ENPP2: variants seen among roughly 807,000 people sequenced by gnomAD.
ENPP2 encodes ectonucleotide pyrophosphatase/phosphodiesterase 2, also known as autotaxin.
In ENPP2, 51 loss-of-function variants were observed where a neutral mutation model predicts 120.2. The ratio of observed to expected loss-of-function variants is 0.42; its 90% CI spans 0.34 to 0.54. ENPP2 has a LOEUF of 0.54. Among genes scored for constraint, ENPP2 ranks in the 20% least tolerant of loss-of-function variants. The probability of loss-of-function intolerance (pLI) is 0.04; values close to 1 mark genes in which losing one functional copy is unlikely to be tolerated. For missense variants in ENPP2, 920 were observed against 1,066.5 expected, an observed-to-expected ratio of 0.86 and a Z score of 1.91; for synonymous variants, 365 against 366.4, an observed-to-expected ratio of 1.00 and a Z score of 0.04.
chr8:119,558,819 TG>T (rs1813689865), intron 24 of ENPP2, among the ~76,000 whole-genome samples: 1 of 152,108 alleles, frequency 6.6e-6, no homozygotes, highest in African/African-American at 2.4e-5. Flanking sequence ...GTCCTAGGTC[TG>T]GGAATATTCA....
chr8:119,644,615 TATATATATATAC>T (rs1276720472), intron 1 of ENPP2, among the ~76,000 whole-genome samples: 61 of 103,102 alleles, frequency 5.9e-4, no homozygotes, highest in East Asian at 8.9e-4. Context: ...TATATATATA[TATATATATATAC>T]ACACACACAC....
In ENPP2 at chr8:119,632,843, G is replaced by T. The variant is rs147705847; in HGVS notation, c.136+5582C>A. Among the ~76,000 whole-genome samples the T allele has an allele frequency of 1.3e-3, 199 of 152,326 alleles. 2 individuals carry two copies. The highest frequency in any genetic ancestry group is 4.7e-3 in the African/African-American group (194 of 41,566). On this transcript the variant is annotated intron_variant, in intron 2 of 24. Transcript: ENST00000075322. ...CCAAGACTTTGGGAGGCCAAGGTGG[G>T]CCGATCACCTGAGGTTGGGAGTTCA...
At chr8:119,628,354 C>T (rs1057001169) in intron 2 of ENPP2, among the ~76,000 whole-genome samples, 3 of 152,090 alleles carry the variant, frequency 2.0e-5, no homozygotes, top group Non-Finnish European at 2.9e-5. Context: ...TGTTTAAATG[C>T]TTATAAATGT....
rs1320412494 is a variant in ENPP2, at chr8:119,593,862, TA to T, written c.973-3del. 6.3e-7 allele frequency: 1 copy of T among 1,578,638 alleles called. No homozygotes were observed. Among genetic ancestry groups the T allele is most frequent in the East Asian group, 2.2e-5 (1 of 44,704 alleles). ...GATTTCCCTCAGAGGATTTGTCATC[TA>T]GGAAAAAGAAGCAAGTTAGTCCCCA... On this transcript the variant is annotated splice_polypyrimidine_tract_variant and splice_region_variant and intron_variant, in intron 11 of 24. Coordinates refer to ENST00000075322, the MANE Select transcript of ENPP2 (RefSeq NM_001040092.3).
chr8:119,627,659 C>T (rs1322639006), intron 2 of ENPP2, among the ~76,000 whole-genome samples: 8 of 151,826 alleles, frequency 5.3e-5, no homozygotes, highest in African/African-American at 1.7e-4. Flanking sequence ...GTCAGGAGTT[C>T]GAGACCAGCC....
chr8:119,629,354 C>T (rs1816500306), intron 2 of ENPP2, among the ~76,000 whole-genome samples: 1 of 152,018 alleles, frequency 6.6e-6, no homozygotes, highest in Admixed American at 6.6e-5. Context: ...TATTTACATG[C>T]TTATGAATTT....
chr8:119,634,076 G>A (rs1346741072), intron 2 of ENPP2, among the ~76,000 whole-genome samples: 5 of 152,018 alleles, frequency 3.3e-5, no homozygotes, highest in Non-Finnish European at 7.4e-5. Context: ...TCAGCTACTC[G>A]GGAGGCTGAG....
At chr8:119,585,441 C>T (rs188565097) in intron 15 of ENPP2, among the ~76,000 whole-genome samples, 1 of 152,280 alleles carries the variant, frequency 6.6e-6, no homozygotes, top group Non-Finnish European at 1.5e-5. Flanking sequence ...TATCTTCTTT[C>T]TCTTGCAAAC....
chr8:119,586,874 C>T (rs1306032267), intron 14 of ENPP2, among the ~76,000 whole-genome samples, 170 bp downstream of exon 14: 1 of 152,182 alleles, frequency 6.6e-6, no homozygotes, highest in Non-Finnish European at 1.5e-5. Flanking sequence ...CAGCTGACCA[C>T]AGGCCAGAAG....
At chr8:119,609,552 C>A (rs1814948411) in intron 8 of ENPP2, among the ~76,000 whole-genome samples, 1 of 152,128 alleles carries the variant, frequency 6.6e-6, no homozygotes, top group South Asian at 2.1e-4. Flanking sequence ...CTCCAGGAAC[C>A]CCAGCCCAAC....
Position 119,583,819 on chromosome 8 carries a change from GAAAAAC to G in ENPP2, c.1456-21_1456-16del. On this transcript the variant is annotated splice_polypyrimidine_tract_variant and intron_variant, in intron 16 of 24. Transcript: ENST00000075322. ...ACAAAAACAGTCTTCCAAAAGAAAAGAAAAACAAAAACAGTTAAGCATTGTTAGGTA... is the reference window on the plus strand; with the variant it reads ...ACAAAAACAGTCTTCCAAAAGAAAAGAAAAACAGTTAAGCATTGTTAGGTA... 1.9e-6 allele frequency: 3 copies of G among 1,545,382 alleles called. No homozygotes were observed. The highest frequency in any genetic ancestry group is 1.8e-6 in the Non-Finnish European group (2 of 1,123,660).
At chr8:119,606,356 A>G (rs1814716291) in intron 9 of ENPP2, among the ~76,000 whole-genome samples, 1 of 152,162 alleles carries the variant, frequency 6.6e-6, no homozygotes, top group African/African-American at 2.4e-5. Flanking sequence ...GGGCCTTTTC[A>G]ATGAGGCTTT....
At chr8:119,614,345 A>G (rs998102266) in intron 8 of ENPP2, among the ~76,000 whole-genome samples, 12 of 152,036 alleles carry the variant, frequency 7.9e-5, no homozygotes, top group African/African-American at 1.4e-4. Flanking sequence ...GCCATCGCAC[A>G]TGAGCCACCA....
intron 1 of ENPP2, among the ~76,000 whole-genome samples, chr8:119,667,542 C>T (rs1263111359): frequency 2.0e-5 from 3 of 152,160 alleles, no homozygotes; most frequent in Admixed American, 6.5e-5. Flanking sequence ...GTTAAATATC[C>T]GTACCCATCT....
chr8:119,640,283 C>T (rs1392693132), upstream of ENPP2, among the ~76,000 whole-genome samples: 1 of 152,156 alleles, frequency 6.6e-6, no homozygotes, highest in African/African-American at 2.4e-5. Context: ...GTATGCCATA[C>T]TGAACAAATT....
intron 19 of ENPP2, among the ~76,000 whole-genome samples, chr8:119,576,241 G>A (rs1409078719): frequency 2.6e-5 from 4 of 152,182 alleles, no homozygotes; most frequent in Non-Finnish European, 5.9e-5. Context: ...GGGTTCAAGC[G>A]ATTCTCCTGC....
chr8:119,616,323 G>T lies in ENPP2; in HGVS notation c.719C>A (p.Ala240Asp), dbSNP rs1345498550. The T allele has an allele frequency of 6.2e-7, 1 of 1,608,920 alleles. No individual in the cohort carries two copies. Among genetic ancestry groups the T allele is most frequent in the Admixed American group, 1.7e-5 (1 of 59,920 alleles). ...GNSMYDPVFD[A>D]TFHLRGREKF... ...CTCTCGCCCTCGCAGATGAAAAGTGGCATCAAATACAGGATCATACATTGA... is the reference window on the plus strand; with the variant it reads ...CTCTCGCCCTCGCAGATGAAAAGTGTCATCAAATACAGGATCATACATTGA... The change falls in exon 8 of 25, where the codon GCC becomes GAC. Residue 240 changes from alanine to aspartate, a missense_variant. Physicochemically the swap from Ala to Asp is moderately radical, Grantham distance 126. Coordinates refer to ENST00000075322, the MANE Select transcript of ENPP2 (RefSeq NM_001040092.3).
chr8:119,586,129 G>A (rs1813091602), intron 15 of ENPP2, 57 bp downstream of exon 15: 7 of 1,559,852 alleles, frequency 4.5e-6, no homozygotes, highest in Non-Finnish European at 3.5e-6. Flanking sequence ...AATATTTCCA[G>A]TTGCCAAAGG....
intron 1 of ENPP2, among the ~76,000 whole-genome samples, chr8:119,671,305 AAAAG>A (rs1242533898): frequency 5.3e-5 from 8 of 152,110 alleles, no homozygotes; most frequent in African/African-American, 9.7e-5. Context: ...CATCTCAAAA[AAAAG>A]AAAGAAAGAT....
Sources: gnomAD v4.1 joint callset for allele counts (sites outside exome capture counted in the v4.1 genomes callset) on GRCh38, gnomAD v4.1.1 for gene constraint, MANE v1.5 for transcripts, NCBI Gene and HGNC (gene_info 2026-07-23, HGNC 2026-07-21) for gene names.